The following LRBA variants were observed in gnomAD, a reference collection of about 807,000 sequenced individuals.
LRBA encodes the protein LPS responsive beige-like anchor protein.
In LRBA, 176 loss-of-function variants were observed where a neutral mutation model predicts 330.0. The ratio of observed to expected loss-of-function variants is 0.53; its 90% confidence interval spans 0.47 to 0.60. The LOEUF (loss-of-function observed/expected upper bound fraction) is 0.60, where lower values mean the gene tolerates loss of function less well. LRBA is among the 20% of genes least tolerant of loss of function. The pLI, the probability that LRBA is intolerant of heterozygous loss-of-function variation, is 0.00. For synonymous variants in LRBA, 1,230 were observed against 1,193.0 expected, an observed-to-expected ratio of 1.03 and a Z score of -0.64; for missense variants, 3,259 against 3,444.8, an observed-to-expected ratio of 0.95 and a Z score of 1.35.
intron 36 of LRBA, among the ~76,000 whole-genome samples, chr4:150,728,707 A>C (rs1730040825): frequency 6.6e-6 from 1 of 152,110 alleles, no homozygotes; most frequent in South Asian, 2.1e-4. Context: ...ATGCCTTAAC[A>C]TAATAAGCCA....
At chr4:150,746,348 C>T (rs1050774334) in intron 35 of LRBA, among the ~76,000 whole-genome samples, 1 of 152,014 alleles carries the variant, frequency 6.6e-6, no homozygotes, top group Non-Finnish European at 1.5e-5. Context: ...AGAGATCATT[C>T]ATTCTTTCAT....
rs200624107 is a variant in LRBA at position 150,557,498 on chromosome 4, T to TC, written c.6330+30549_6330+30550insG. Among the ~76,000 whole-genome samples, 423 of 152,250 alleles carry TC rather than the reference T, an allele frequency of 2.8e-3. 20 individuals carry two copies. The East Asian group carries it at 0.072, about 26-fold the overall frequency. ...ATCAGTTTTTCTCTCAAGCTTTTTT[T>TC]TTTTTTTCTTGTCCCAAGATCCCAT... is the stretch of plus-strand genomic sequence containing the variant. On this transcript the variant is annotated intron_variant, in intron 40 of 56. Coordinates refer to ENST00000651943, the MANE Select transcript of LRBA (RefSeq NM_001364905.1).
chr4:150,710,440 A>G (rs1286575645), intron 36 of LRBA, among the ~76,000 whole-genome samples: 3 of 152,162 alleles, frequency 2.0e-5, no homozygotes, highest in Non-Finnish European at 4.4e-5. Context: ...AAGCTCGGAA[A>G]AGAAGTCACA....
At chr4:150,310,452 A>C in intron 51 of LRBA, 68 bp from the exon 52 acceptor site, 1 of 1,013,634 alleles carries the variant, frequency 9.9e-7, no homozygotes, top group Non-Finnish European at 1.5e-6. Flanking sequence ...AGTGAGGGAG[A>C]AGAGGAGACA....
At chr4:150,363,386 T>C (rs1029882164) in intron 47 of LRBA, among the ~76,000 whole-genome samples, 1 of 152,176 alleles carries the variant, frequency 6.6e-6, no homozygotes, top group African/African-American at 2.4e-5. Context: ...TTCTCTCTCT[T>C]TCTCTCTTTG....
chr4:150,804,362 A>G (rs558466683), intron 33 of LRBA, among the ~76,000 whole-genome samples: 3 of 152,218 alleles, frequency 2.0e-5, no homozygotes, highest in Non-Finnish European at 4.4e-5. Flanking sequence ...TCTATAGAAG[A>G]GATGAAATTC....
rs147405577 is a variant in LRBA at position 150,677,971 on chromosome 4, G to A, written c.5921+5580C>T. Among the ~76,000 whole-genome samples the A allele has an allele frequency of 2.2e-3, 330 of 152,094 alleles. 1 individual carries two copies. Among genetic ancestry groups the A allele is most frequent in the Admixed American group, 4.5e-3 (69 of 15,286 alleles). ...AAAGTAGAAATAGGCCAGGCATGGC[G>A]GCTCACACCCATAATCCTAGCACTT... On this transcript the variant is annotated intron_variant, in intron 37 of 56. Transcript: ENST00000651943.
intron 56 of LRBA, among the ~76,000 whole-genome samples, chr4:150,268,296 C>T (rs906078318): frequency 7.2e-5 from 11 of 152,100 alleles, no homozygotes; most frequent in African/African-American, 2.7e-4. Context: ...AAAAACCTCC[C>T]AATAAGAAAA....
At chr4:150,646,294 A>G (rs1379729502) in intron 37 of LRBA, among the ~76,000 whole-genome samples, 1 of 152,048 alleles carries the variant, frequency 6.6e-6, no homozygotes, top group African/African-American at 2.4e-5. Context: ...GATAAATAAC[A>G]GTTATTGCCA....
chr4:150,569,978 T>C (rs914957097), intron 40 of LRBA, among the ~76,000 whole-genome samples: 2 of 152,140 alleles, frequency 1.3e-5, no homozygotes, highest in Non-Finnish European at 2.9e-5. Flanking sequence ...TTTATTGTTT[T>C]GCACTGTCAC....
intron 22 of LRBA, among the ~76,000 whole-genome samples, chr4:150,861,223 C>T (rs1170554598): frequency 6.6e-6 from 1 of 151,846 alleles, no homozygotes; most frequent in Non-Finnish European, 1.5e-5. Flanking sequence ...CCACCTCAGC[C>T]TCCTGAGTAG....
intron 37 of LRBA, among the ~76,000 whole-genome samples, chr4:150,661,238 A>G (rs1781057957): frequency 6.6e-6 from 1 of 151,882 alleles, no homozygotes; most frequent in Non-Finnish European, 1.5e-5. Context: ...TGGGAGGCTG[A>G]GGCGGGTCAA....
At chr4:150,393,654 G>A (rs985457109) in intron 47 of LRBA, among the ~76,000 whole-genome samples, 1 of 152,048 alleles carries the variant, frequency 6.6e-6, no homozygotes, top group African/African-American at 2.4e-5. Flanking sequence ...TTGGCTAATT[G>A]TTTAAACTTT....
At chr4:150,650,122 A>G (rs2126764687) in intron 37 of LRBA, among the ~76,000 whole-genome samples, 1 of 152,206 alleles carries the variant, frequency 6.6e-6, no homozygotes, top group East Asian at 1.9e-4. Flanking sequence ...AGGTTAAGTG[A>G]CTCGTTCAAA....
At chr4:150,511,177 C>T (rs1162681824) in intron 40 of LRBA, among the ~76,000 whole-genome samples, 2 of 152,038 alleles carry the variant, frequency 1.3e-5, no homozygotes, top group Admixed American at 6.5e-5. Context: ...AAATTCAACA[C>T]ATCCAAAAAC....
Position 150,505,197 on chromosome 4 carries a change from A to G in LRBA, c.6331-14162T>C, listed in dbSNP as rs565155069. On this transcript the variant is annotated intron_variant, in intron 40 of 56. Coordinates refer to ENST00000651943, the MANE Select transcript of LRBA (RefSeq NM_001364905.1). Reference sequence around the variant, plus strand: ...AGACAGAAAGTTAACAAGGATACCCAGGAACTGAACTCAGCTCTGCACCAA... The same window carrying G: ...AGACAGAAAGTTAACAAGGATACCCGGGAACTGAACTCAGCTCTGCACCAA... 5.9e-3 allele frequency among the ~76,000 whole-genome samples: 895 copies of G among 152,338 alleles called. 10 individuals carry two copies. The highest frequency in any genetic ancestry group is 0.02 in the African/African-American group (847 of 41,566).
chr4:150,964,755 C>T (rs992681603), intron 2 of LRBA, among the ~76,000 whole-genome samples: 76 of 151,956 alleles, frequency 5.0e-4, no homozygotes, highest in Non-Finnish European at 8.8e-4. Context: ...GCTGACCTTC[C>T]CTCCACTATT....
chr4:150,968,068 G>A (rs538001117), intron 2 of LRBA, among the ~76,000 whole-genome samples: 95 of 148,990 alleles, frequency 6.4e-4, no homozygotes, highest in Middle Eastern at 3.5e-3. Context: ...GCAGTGGCGC[G>A]ATTTCGGTTT....
chr4:150,285,869 T>C (rs893205884), intron 54 of LRBA, 64 bp downstream of exon 54: 5 of 1,013,732 alleles, frequency 4.9e-6, no homozygotes, highest in African/African-American at 1.7e-5. Context: ...AATTAATCTT[T>C]GGTAATTTGT....
Sources: allele counts gnomAD v4.1 joint callset (sites outside exome capture counted in the v4.1 genomes callset), GRCh38; gene constraint gnomAD v4.1.1; transcripts MANE v1.5; gene names NCBI Gene and HGNC (gene_info 2026-07-23, HGNC 2026-07-21).